The following PDE10A variants were observed in gnomAD, a reference collection of about 807,000 sequenced individuals.
PDE10A encodes the protein cAMP and cAMP-inhibited cGMP 3',5'-cyclic phosphodiesterase 10A.
In PDE10A, 39 loss-of-function variants were observed where a neutral mutation model predicts 97.7. That is an observed-to-expected ratio of 0.40 (90% CI 0.31 to 0.52). The LOEUF (loss-of-function observed/expected upper bound fraction) is 0.52. Ranked by LOEUF, PDE10A falls within the 20% of genes least tolerant of loss-of-function variation. The pLI is 0.56. For missense variants in PDE10A, 731 were observed against 1,047.8 expected (o/e 0.70, Z 4.17); for synonymous variants, 371 against 376.8 (o/e 0.98, Z 0.18).
At chr6:165,706,857 A>G (rs1462239425) in intron 1 of PDE10A, among the ~76,000 whole-genome samples, 1 of 152,214 alleles carries the variant, frequency 6.6e-6, no homozygotes, top group African/African-American at 2.4e-5. Context: ...AAAAAAAGGA[A>G]CACTATCCTT....
At chr6:165,916,530 G>A (rs1476927986) in intron 1 of PDE10A, among the ~76,000 whole-genome samples, 2 of 152,192 alleles carry the variant, frequency 1.3e-5, no homozygotes, top group Non-Finnish European at 2.9e-5. Context: ...TGTCTTACGG[G>A]ACAACACTGC....
At chr6:165,861,230 TG>T (rs1230237064) in intron 1 of PDE10A, among the ~76,000 whole-genome samples, 1 of 152,170 alleles carries the variant, frequency 6.6e-6, no homozygotes, top group African/African-American at 2.4e-5. Context: ...GATGGATGAA[TG>T]TATTCGTTAG....
intron 1 of PDE10A, among the ~76,000 whole-genome samples, chr6:165,550,100 A>G (rs1223686480): frequency 6.6e-6 from 1 of 152,098 alleles, no homozygotes; most frequent in Non-Finnish European, 1.5e-5. Flanking sequence ...CTACAATTCC[A>G]CATCACAGTG....
chr6:165,730,719 A>G (rs2036018), intron 1 of PDE10A, among the ~76,000 whole-genome samples: 4 of 144,280 alleles, frequency 2.8e-5, no homozygotes, highest in Non-Finnish European at 6.0e-5. Flanking sequence ...TGCCACTACA[A>G]TCCAGCCTGG....
chr6:165,817,760 A>G (rs1297915993), intron 1 of PDE10A, among the ~76,000 whole-genome samples: 2 of 152,146 alleles, frequency 1.3e-5, no homozygotes, highest in Non-Finnish European at 2.9e-5. Flanking sequence ...GAGTTTAGAA[A>G]AATAACAAAC....
intron 1 of PDE10A, among the ~76,000 whole-genome samples, chr6:165,770,126 AAAAC>A (rs939129571): frequency 2.6e-5 from 4 of 151,434 alleles, no homozygotes; most frequent in African/African-American, 9.7e-5. Context: ...TTACCAAATG[AAAAC>A]AAACAAACGA....
At position 165,334,318 on chromosome 6, in the gene PDE10A, G is replaced by A. The variant is rs542997189; in HGVS notation, c.3066-1191C>T. The stretch of plus-strand genomic sequence containing the variant: ...ACGCGCCTCCATAGCGCCTTACAGC[G>A]CCGGGCACGCGCCTCCATAGCGCCC... On this transcript the variant is annotated intron_variant, in intron 21 of 21. Coordinates refer to ENST00000539869, the MANE Select transcript of PDE10A (RefSeq NM_001385079.1). Among the ~76,000 whole-genome samples, 476 of 151,342 alleles carry A rather than the reference G, an allele frequency of 3.1e-3. 3 individuals are homozygous for A. The highest frequency in any genetic ancestry group is 0.011 in the African/African-American group (444 of 40,930).
At chr6:165,567,078 C>G (rs756827383) in intron 1 of PDE10A, among the ~76,000 whole-genome samples, 1 of 152,166 alleles carries the variant, frequency 6.6e-6, no homozygotes, top group Non-Finnish European at 1.5e-5. Flanking sequence ...AGATAAATCA[C>G]TTAGTATATT....
intron 13 of PDE10A, among the ~76,000 whole-genome samples, chr6:165,411,645 T>A (rs1787845906): frequency 6.6e-6 from 1 of 152,242 alleles, no homozygotes; most frequent in South Asian, 2.1e-4. Flanking sequence ...TTCTTGATTT[T>A]TAAATTATGC....
chr6:165,852,702 C>T (rs1780604552), intron 1 of PDE10A, among the ~76,000 whole-genome samples: 1 of 152,202 alleles, frequency 6.6e-6, no homozygotes, highest in Non-Finnish European at 1.5e-5. Context: ...GGTGGCATTA[C>T]TTCACTGTAC....
intron 2 of PDE10A, among the ~76,000 whole-genome samples, chr6:165,489,634 C>A (rs1381987313): frequency 6.6e-6 from 1 of 152,076 alleles, no homozygotes; most frequent in Admixed American, 6.5e-5. Flanking sequence ...TTCAGGTCGA[C>A]TATTAAGCTA....
At chr6:165,619,079 CTAGTGTAGTCTAGTGTAGTGT>C (rs1562633727) in intron 1 of PDE10A, among the ~76,000 whole-genome samples, 3 of 106,270 alleles carry the variant, frequency 2.8e-5, no homozygotes, top group Non-Finnish European at 5.4e-5. Context: ...GTAGTGTAGT[CTAGTGTAGTCTAGTGTAGTGT>C]AGTCTAGTGT....
At chr6:165,510,724 G>T (rs1255665766) in intron 2 of PDE10A, among the ~76,000 whole-genome samples, 1 of 151,942 alleles carries the variant, frequency 6.6e-6, no homozygotes, top group African/African-American at 2.4e-5. Flanking sequence ...GTCTATTCAG[G>T]TTTTCTATTT....
intron 2 of PDE10A, among the ~76,000 whole-genome samples, chr6:165,519,604 G>A (rs1782016004): frequency 6.6e-6 from 1 of 152,070 alleles, no homozygotes; most frequent in Non-Finnish European, 1.5e-5. Flanking sequence ...TTAACTATTT[G>A]CCTTGCCTTG....
rs376566104 is a variant in PDE10A, at chr6:165,899,075, G to T, written c.-615+88454C>A. 2.5e-4 allele frequency among the ~76,000 whole-genome samples: 38 copies of T among 152,272 alleles called. 1 individual carries two copies. In the South Asian group the frequency reaches 6.8e-3, roughly 27 times the overall value. ...TGAGTTCCATGGGGACAGGGGCTTT[G>T]TTCATTTGTGCATCTTTCCCTGGCA... is the stretch of plus-strand genomic sequence containing the variant. On this transcript the variant is annotated intron_variant, in intron 1 of 19. Transcript: ENST00000366882.
At chr6:165,443,997 G>T (rs548288670) in intron 5 of PDE10A, among the ~76,000 whole-genome samples, 1 of 152,130 alleles carries the variant, frequency 6.6e-6, no homozygotes, top group Non-Finnish European at 1.5e-5. Context: ...ACAGAAAATC[G>T]GTTTGTCCTT....
chr6:165,498,821 T>A, intron 2 of PDE10A, among the ~76,000 whole-genome samples: 1 of 152,200 alleles, frequency 6.6e-6, no homozygotes, highest in Non-Finnish European at 1.5e-5. Context: ...TTGTTATTAT[T>A]AGAGTACATG....
At chr6:165,981,372 G>A (rs975354823) in intron 1 of PDE10A, among the ~76,000 whole-genome samples, 1 of 152,158 alleles carries the variant, frequency 6.6e-6, no homozygotes, top group African/African-American at 2.4e-5. Flanking sequence ...TCCAGTTATG[G>A]TTTATGTTCA....
chr6:165,985,160 C>T (rs1785150198), intron 1 of PDE10A, among the ~76,000 whole-genome samples: 1 of 152,248 alleles, frequency 6.6e-6, no homozygotes. Flanking sequence ...TATCCAGACT[C>T]AGATTCTCCA....
Sources: gnomAD v4.1 joint callset for allele counts (sites outside exome capture counted in the v4.1 genomes callset) on GRCh38, gnomAD v4.1.1 for gene constraint, MANE v1.5 for transcripts, NCBI Gene and HGNC (gene_info 2026-07-23, HGNC 2026-07-21) for gene names.